BIRC6: variants seen among roughly 807,000 people sequenced by gnomAD.
BIRC6 encodes baculoviral IAP repeat containing 6, also known as dual E2 ubiquitin-conjugating enzyme/E3 ubiquitin-protein ligase BIRC6.
A neutral mutation model predicts 503.3 loss-of-function variants in BIRC6; 98 were observed. The ratio of observed to expected loss-of-function variants is 0.19; its 90% CI spans 0.17 to 0.23. BIRC6 has a LOEUF of 0.23. Among genes scored for constraint, BIRC6 ranks in the 10% least tolerant of loss-of-function variants. The probability of loss-of-function intolerance (pLI) is 1.00; values close to 1 mark genes in which losing one functional copy is unlikely to be tolerated. For missense variants in BIRC6, 5,360 were observed against 5,806.0 expected, an observed-to-expected ratio of 0.92 and a Z score of 2.50; for synonymous variants, 2,240 against 2,078.7, an observed-to-expected ratio of 1.08 and a Z score of -2.11.
chr2:32,500,796 G>A (rs2053093508), intron 46 of BIRC6, among the ~76,000 whole-genome samples: 1 of 151,756 alleles, frequency 6.6e-6, no homozygotes, highest in Non-Finnish European at 1.5e-5. Flanking sequence ...GTAGAGATGG[G>A]GTTATGCCAT....
rs778912553 is a variant in BIRC6, at chr2:32,617,744, G to A, written c.14414G>A (p.Arg4805His). 2.0e-5 allele frequency: 32 copies of A among 1,613,750 alleles called. No individual in the cohort carries two copies. The highest frequency in any genetic ancestry group is 5.0e-5 in the Admixed American group (3 of 59,976). Residue 4805 changes from arginine to histidine, a missense_variant, in exon 74 of 74, where the codon CGC (arginine) becomes CAC (histidine). Arg to His is a conservative substitution (Grantham distance 29, BLOSUM62 0). This residue lies in a region of BIRC6 where 140 missense variants were observed against 130.2 expected (regional missense o/e 1.07). Transcript: ENST00000421745. ...GCATAGCGTCACACTGCTCAGCTCC[G>A]CGAAGAGTTGCTGAAACTTCCCTGC... is the stretch of plus-strand genomic sequence containing the variant. ...AALKRHTAQL[R>H]EELLKLPCPE... is the part of the protein sequence containing the mutation.
chr2:32,458,683 CTTTTTTTTTTT>C (rs1166608470), intron 23 of BIRC6, among the ~76,000 whole-genome samples: 86 of 89,476 alleles, frequency 9.6e-4, no homozygotes, highest in African/African-American at 3.4e-3. Flanking sequence ...ACTCTATTGC[CTTTTTTTTTTT>C]TTTTTTTTTT....
Position 32,404,381 on chromosome 2 carries a change from G to A in BIRC6, c.1419-2118G>A, listed in dbSNP as rs563626452. Among the ~76,000 whole-genome samples the A allele has an allele frequency of 2.3e-4, 34 of 151,076 alleles. 1 individual carries two copies. In the South Asian group the frequency reaches 5.4e-3, roughly 24 times the overall value. On this transcript the variant is annotated intron_variant, in intron 8 of 73. Coordinates refer to ENST00000421745, the MANE Select transcript of BIRC6 (RefSeq NM_016252.4). The stretch of plus-strand genomic sequence containing the variant: ...CGCCCATGCTGGAGTGCAGTGGTGC[G>A]ATCCTGGTTCACTGCAATCTCTGCC...
At chr2:32,362,823 A>G (rs73922722) in intron 1 of BIRC6, among the ~76,000 whole-genome samples, 3 of 152,098 alleles carry the variant, frequency 2.0e-5, no homozygotes, top group East Asian at 3.9e-4. Context: ...CCCATTACAC[A>G]GAATTATTTT....
intron 4 of BIRC6, among the ~76,000 whole-genome samples, chr2:32,390,264 A>G (rs2039045245): frequency 6.6e-6 from 1 of 152,010 alleles, no homozygotes; most frequent in African/African-American, 2.4e-5. Flanking sequence ...TCCGCCTCCC[A>G]TGTTCATGCC....
At position 32,477,459 on chromosome 2, in the gene BIRC6, A is replaced by C; in HGVS notation, c.6944A>C (p.Glu2315Ala). Residue 2315 changes from glutamate to alanine, a missense_variant, in exon 35 of 74, where the codon GAG (glutamate) becomes GCG (alanine). Glu to Ala is a moderately radical substitution (Grantham distance 107). Around this residue, in one of 16 missense-constraint regions of BIRC6, gnomAD observed 2,299 missense variants for 2,267.2 expected, o/e 1.01. Coordinates refer to ENST00000421745, the MANE Select transcript of BIRC6 (RefSeq NM_016252.4). ...GTTACAACAGCAAAAGAAAGTCCTG[A>C]GATAGAACCACTTCCATTTACTCTG... ...TEVTTAKESP[E>A]IEPLPFTLAH... 1.9e-6 allele frequency: 3 copies of C among 1,614,014 alleles called. No homozygotes were observed. The highest frequency in any genetic ancestry group is 2.5e-6 in the Non-Finnish European group (3 of 1,179,884).
rs970259401 is a variant in BIRC6, at chr2:32,592,568, A to G, written c.13356-1347A>G. On this transcript the variant is annotated intron_variant, in intron 66 of 73. Transcript: ENST00000421745. ...CAAGGAAAGGTTCATTTGTATGTAG[A>G]TGACATAGTATTATTTGTTAAGGAT... 4.6e-5 allele frequency among the ~76,000 whole-genome samples: 7 copies of G among 151,680 alleles called. No individual in the cohort carries two copies. In the South Asian group the frequency reaches 1.0e-3, roughly 22 times the overall value.
In BIRC6 at chr2:32,575,380, T is replaced by C. The variant is rs2060192822; in HGVS notation, c.13355+14T>C. On this transcript the variant is annotated intron_variant, in intron 66 of 73. Coordinates refer to ENST00000421745, the MANE Select transcript of BIRC6 (RefSeq NM_016252.4). ...CAACCGTTTAAGGTACTATATACAA[T>C]GTTCATTTCTCTTGAGTTTGCCTCT... The C allele has an allele frequency of 1.9e-6, 3 of 1,608,734 alleles. No individual in the cohort carries two copies. Among genetic ancestry groups the C allele is most frequent in the Non-Finnish European group, 2.6e-6 (3 of 1,175,294 alleles).
intron 65 of BIRC6, chr2:32,565,131 C>T (rs2059444359): frequency 6.6e-6 from 1 of 152,210 alleles, no homozygotes; most frequent in Non-Finnish European, 1.5e-5. Flanking sequence ...TCTTCCCTCT[C>T]ATGCTAGCAA....
chr2:32,492,380 A>G (rs1355961058), intron 44 of BIRC6, among the ~76,000 whole-genome samples: 4 of 152,088 alleles, frequency 2.6e-5, no homozygotes, highest in Admixed American at 2.6e-4. Context: ...AATTTTACAG[A>G]TCTTAATAAA....
chr2:32,601,288 G>A (rs1326259073), intron 70 of BIRC6, among the ~76,000 whole-genome samples: 1 of 152,160 alleles, frequency 6.6e-6, no homozygotes, highest in African/African-American at 2.4e-5. Context: ...CTGCATTTAC[G>A]AGAACCACCT....
chr2:32,389,083 A>G lies in BIRC6; in HGVS notation c.839+140A>G, dbSNP rs1434424120. ...CTAATTTTGAAATTAAAAAAAAATC[A>G]ATATGAATTAGAATCTGAAAACCAG... is the stretch of plus-strand genomic sequence containing the variant. On this transcript the variant is annotated intron_variant, in intron 4 of 73. Coordinates refer to ENST00000421745, the MANE Select transcript of BIRC6 (RefSeq NM_016252.4). 22 of 590,506 alleles carry G rather than the reference A, an allele frequency of 3.7e-5. No individual in the cohort carries two copies. The East Asian group carries it at 6.9e-4, about 18-fold the overall frequency. The allele number at this position is 590,506 out of a possible 1,614,324, so 36.6% of individuals were successfully genotyped here.
chr2:32,578,989 T>TATATATATATATATATATATATATATAC lies in BIRC6; in HGVS notation c.13355+3624_13355+3625insTATATATATATATATATATATATATACA, dbSNP rs1480624603. 1.3e-3 allele frequency among the ~76,000 whole-genome samples: 116 copies of TATATATATATATATATATATATATATAC among 89,640 alleles called. 6 individuals are homozygous for TATATATATATATATATATATATATATAC. Among genetic ancestry groups the TATATATATATATATATATATATATATAC allele is most frequent in the Middle Eastern group, 6.2e-3 (1 of 162 alleles). 58.8% of individuals were successfully genotyped at this position (89,640 alleles called of 152,430 possible). Reference sequence around the variant, plus strand: ...TATTTTTATATACCTAATATATATATACACTTAATATATATATATACCTAA... The same window carrying TATATATATATATATATATATATATATAC: ...TATTTTTATATACCTAATATATATATATATATATATATATATATATATATATACACACTTAATATATATATATACCTAA... On this transcript the variant is annotated intron_variant, in intron 66 of 73. Coordinates refer to ENST00000421745, the MANE Select transcript of BIRC6 (RefSeq NM_016252.4).
At chr2:32,370,645 T>C (rs541032950) in intron 1 of BIRC6, among the ~76,000 whole-genome samples, 9 of 152,328 alleles carry the variant, frequency 5.9e-5, no homozygotes, top group Non-Finnish European at 1.0e-4. Flanking sequence ...TGGTTAATTA[T>C]ATCAAAAGCT....
chr2:32,509,571 G>T, intron 51 of BIRC6, 167 bp from the exon 52 acceptor site: 1 of 758,268 alleles, frequency 1.3e-6, no homozygotes, highest in Non-Finnish European at 2.1e-6. Context: ...TCTTATAGGG[G>T]AAACTTACTG....
intron 37 of BIRC6, 102 bp from the exon 38 acceptor site, chr2:32,481,218 T>A: frequency 9.6e-7 from 1 of 1,042,804 alleles, no homozygotes; most frequent in Non-Finnish European, 1.3e-6. Flanking sequence ...TTTAGGCATA[T>A]GTAACATGCA....
chr2:32,452,168 C>T (rs1244367775), intron 22 of BIRC6, among the ~76,000 whole-genome samples: 1 of 152,126 alleles, frequency 6.6e-6, no homozygotes, highest in Non-Finnish European at 1.5e-5. Context: ...CAGATGTTTT[C>T]ACCCACTTCT....
Position 32,401,380 on chromosome 2 carries a change from A to G in BIRC6, c.1252A>G (p.Met418Val). The G allele has an allele frequency of 6.2e-7, 1 of 1,613,922 alleles. No individual in the cohort carries two copies. The highest frequency in any genetic ancestry group is 8.5e-7 in the Non-Finnish European group (1 of 1,179,794). ...CTGCATATGGGATGTTTCCAAACTT[A>G]TGAAGGTATGTTTGAATTTTGAAGT... ...KICIWDVSKL[M>V]KVHLKFEINA... Residue 418 changes from methionine to valine, a missense_variant, in exon 7 of 74, where the codon ATG becomes GTG. Physicochemically the swap from Met to Val is conservative, Grantham distance 21 (BLOSUM62 1). Around this residue, in one of 16 missense-constraint regions of BIRC6, gnomAD observed 700 missense variants for 739.3 expected, o/e 0.95. Transcript: ENST00000421745.
At chr2:32,557,453 A>G (rs2058860482) in intron 65 of BIRC6, 1 of 152,184 alleles carries the variant, frequency 6.6e-6, no homozygotes. Context: ...GGAGTAGTCC[A>G]TCTTCAGTGT....
Sources: gnomAD v4.1 joint callset for allele counts (sites outside exome capture counted in the v4.1 genomes callset) on GRCh38, gnomAD v4.1.1 for gene constraint, gnomAD v4.1.1 regional missense constraint, MANE v1.5 for transcripts, NCBI Gene and HGNC (gene_info 2026-07-23, HGNC 2026-07-21) for gene names.